The following USP7 variants were observed in gnomAD, a reference collection of about 807,000 sequenced individuals.
USP7 encodes ubiquitin specific peptidase 7, also known as ubiquitin C-terminal hydrolase 7.
A neutral mutation model predicts 162.9 loss-of-function variants in USP7; 9 were observed. The ratio of observed to expected loss-of-function variants is 0.06; its 90% CI spans 0.03 to 0.10. The LOEUF (loss-of-function observed/expected upper bound fraction) is 0.10. USP7 is among the 10% of genes least tolerant of loss of function. The pLI is 1.00. For synonymous variants in USP7, 562 were observed against 475.9 expected (o/e 1.18, Z -2.35); for missense variants, 715 against 1,373.7 (o/e 0.52, Z 7.58).
At position 8,921,303 on chromosome 16, in the gene USP7, AAAG is replaced by A. The variant is rs1405473214; in HGVS notation, c.384-11_384-9del. 3.7e-6 allele frequency: 6 copies of A among 1,612,398 alleles called. No homozygotes were observed. Among genetic ancestry groups the A allele is most frequent in the African/African-American group, 2.7e-5 (2 of 74,914 alleles). On this transcript the variant is annotated splice_polypyrimidine_tract_variant and intron_variant, in intron 3 of 30. Coordinates refer to ENST00000344836, the MANE Select transcript of USP7 (RefSeq NM_003470.3). ...GCATGGCAAGACCATGACCTGTTTA[AAAG>A]AATAATCTGAGCCTTAGTTGACATT...
At chr16:8,915,047 TGGC>T (rs2062007680) in intron 10 of USP7, among the ~76,000 whole-genome samples, 1 of 152,166 alleles carries the variant, frequency 6.6e-6, no homozygotes, top group Non-Finnish European at 1.5e-5. Context: ...GGGGAGGTGG[TGGC>T]TGGGAAGGGC....
Position 8,913,412 on chromosome 16 carries a change from G to A in USP7, c.1078+1842C>T, listed in dbSNP as rs534498058. Among the ~76,000 whole-genome samples, 38 of 152,042 alleles carry A rather than the reference G, an allele frequency of 2.5e-4. No individual in the cohort carries two copies. The East Asian group carries it at 5.8e-3, about 23-fold the overall frequency. Reference sequence around the variant, plus strand: ...GAAGAGAAGTGAAGTGAAGCGAAGCGAAGAATATGGGGGCTTGGGGCAGAG... The same window carrying A: ...GAAGAGAAGTGAAGTGAAGCGAAGCAAAGAATATGGGGGCTTGGGGCAGAG... On this transcript the variant is annotated intron_variant, in intron 10 of 30. Coordinates refer to ENST00000344836, the MANE Select transcript of USP7 (RefSeq NM_003470.3).
intron 14 of USP7, 130 bp downstream of exon 14, chr16:8,905,057 T>A: frequency 8.5e-7 from 1 of 1,172,712 alleles, no homozygotes; most frequent in East Asian, 2.4e-5. Context: ...CCCTGCTCAT[T>A]TCTGCGCTGC....
At chr16:8,932,769 G>C (rs1391707985) in intron 1 of USP7, among the ~76,000 whole-genome samples, 1 of 152,300 alleles carries the variant, frequency 6.6e-6, no homozygotes, top group East Asian at 1.9e-4. Context: ...GAGGAGGCAA[G>C]AAGGGAATGG....
intron 8 of USP7, 103 bp downstream of exon 8, chr16:8,916,399 G>C (rs1897370489): frequency 8.4e-7 from 1 of 1,193,868 alleles, no homozygotes; most frequent in Admixed American, 2.6e-5. Flanking sequence ...AAACAAAGAT[G>C]GGCATTTTCT....
At chr16:8,942,714 GT>G (rs1190973667) in intron 1 of USP7, among the ~76,000 whole-genome samples, 9 of 152,062 alleles carry the variant, frequency 5.9e-5, no homozygotes, top group African/African-American at 2.2e-4. Flanking sequence ...CACTCAGCTA[GT>G]TTCTGTATTT....
At chr16:8,906,677 C>A in intron 12 of USP7, 95 bp from the exon 13 acceptor site, 1 of 1,261,898 alleles carries the variant, frequency 7.9e-7, no homozygotes, top group Non-Finnish European at 1.1e-6. Context: ...ACTGGCTCAT[C>A]TTTAATAGGA....
At chr16:8,895,318 C>T (rs532094900) in intron 27 of USP7, among the ~76,000 whole-genome samples, 168 bp from the exon 28 acceptor site, 1 of 152,282 alleles carries the variant, frequency 6.6e-6, no homozygotes, top group Admixed American at 6.5e-5. Flanking sequence ...GGAGTCTCAG[C>T]CAGAAGATAT....
At chr16:8,918,345 ATTAGAT>A (rs927678105) in intron 6 of USP7, among the ~76,000 whole-genome samples, 14 of 152,358 alleles carry the variant, frequency 9.2e-5, no homozygotes, top group East Asian at 5.8e-4. Context: ...ACTCATCTAT[ATTAGAT>A]TTAATGTATG....
At chr16:8,936,066 C>G (rs1318911861) in intron 1 of USP7, among the ~76,000 whole-genome samples, 1 of 152,124 alleles carries the variant, frequency 6.6e-6, no homozygotes, top group Non-Finnish European at 1.5e-5. Context: ...GCGGGGGTCG[C>G]GAACACAATA....
chr16:8,913,835 T>TA (rs1477162064), intron 10 of USP7, among the ~76,000 whole-genome samples: 10 of 152,036 alleles, frequency 6.6e-5, no homozygotes, highest in African/African-American at 1.2e-4. Flanking sequence ...GCTGCAGACT[T>TA]AAACTCCAGG....
At position 8,938,306 on chromosome 16, in the gene USP7, A is replaced by G. The variant is rs115445511; in HGVS notation, c.80-7909T>C. Among the ~76,000 whole-genome samples the G allele has an allele frequency of 2.5e-3, 380 of 151,862 alleles. 1 individual carries two copies. Among genetic ancestry groups the G allele is most frequent in the African/African-American group, 8.9e-3 (368 of 41,320 alleles). On this transcript the variant is annotated intron_variant, in intron 1 of 30. Transcript: ENST00000344836. ...CTTGATTAAACTTTGAGATAACTGT[A>G]GATTCACACACAGTCTTAAGAAATA... is the stretch of plus-strand genomic sequence containing the variant.
In USP7 at chr16:8,917,054, C is replaced by A; in HGVS notation, c.823G>T (p.Gly275Ter). 2 of 1,606,506 alleles carry A rather than the reference C, an allele frequency of 1.2e-6. No homozygotes were observed. The highest frequency in any genetic ancestry group is 1.1e-5 in the South Asian group (1 of 89,294). Residue 275 changes from glycine to a stop codon, truncating the protein, a stop_gained, in exon 7 of 31, where the codon GGA becomes TGA. Transcript: ENST00000344836. LOFTEE classifies it high-confidence loss of function. Reference protein sequence around the residue: ...YELQHSDKPVGTKKLTKSFGW... With the variant: ...YELQHSDKPV ...AATGACTTTGTTAACTTTTTTGTTC[C>A]TACAGGTTTATCACTATGCTGTAAT...
intron 2 of USP7, among the ~76,000 whole-genome samples, chr16:8,929,921 C>T (rs868839854): frequency 6.6e-6 from 1 of 152,154 alleles, no homozygotes; most frequent in Non-Finnish European, 1.5e-5. Context: ...AATGAGAATG[C>T]AATGGAAAGC....
chr16:8,958,054 C>A, intron 1 of USP7, among the ~76,000 whole-genome samples: 1 of 152,182 alleles, frequency 6.6e-6, no homozygotes, highest in South Asian at 2.1e-4. Context: ...TCAGAGTACA[C>A]TGAAAAAAGT....
At chr16:8,897,724 A>ATACATATATATATAT (rs59369679) in intron 25 of USP7, among the ~76,000 whole-genome samples, 2 of 19,434 alleles carry the variant, frequency 1.0e-4, no homozygotes, top group Non-Finnish European at 1.6e-4. Flanking sequence ...AAAAAAAAAA[A>ATACATATATATATAT]AAATATATAT....
At chr16:8,904,676 C>T in intron 14 of USP7, 111 bp from the exon 15 acceptor site, 2 of 1,474,846 alleles carry the variant, frequency 1.4e-6, no homozygotes, top group South Asian at 1.3e-5. Flanking sequence ...GGCGTGGTGG[C>T]TTACGCCTGT....
chr16:8,915,923 C>A (rs1393267953), intron 8 of USP7, among the ~76,000 whole-genome samples: 2 of 152,190 alleles, frequency 1.3e-5, no homozygotes, highest in African/African-American at 4.8e-5. Flanking sequence ...ATTTAATGAA[C>A]TGGATTCAAT....
In USP7 at chr16:8,913,363, G is replaced by A. The variant is rs549755542; in HGVS notation, c.1078+1891C>T. 3.2e-4 allele frequency among the ~76,000 whole-genome samples: 48 copies of A among 151,372 alleles called. 1 individual carries two copies. The highest frequency in any genetic ancestry group is 3.4e-3 in the Middle Eastern group (1 of 292). On this transcript the variant is annotated intron_variant, in intron 10 of 30. Coordinates refer to ENST00000344836, the MANE Select transcript of USP7 (RefSeq NM_003470.3). ...AGAGCGAGACTCCCTCTCAAAAAGA[G>A]GAGAGAAGAGGGAAGACAGGAGAGA...
Sources: allele counts gnomAD v4.1 joint callset (sites outside exome capture counted in the v4.1 genomes callset), GRCh38; gene constraint gnomAD v4.1.1; transcripts MANE v1.5; gene names NCBI Gene and HGNC (gene_info 2026-07-23, HGNC 2026-07-21).